Variants in PRELID2 observed in about 807,000 individuals in gnomAD.
The protein encoded by PRELID2 is PRELI domain containing 2.
Under a neutral mutation model 28.4 loss-of-function variants are expected in PRELID2, and 25 were observed. That is an observed-to-expected ratio of 0.88 (90% CI 0.64 to 1.23). The LOEUF (loss-of-function observed/expected upper bound fraction) is 1.23, where lower values mean the gene tolerates loss of function less well. Among genes scored for constraint, PRELID2 ranks in the 50% most tolerant of loss-of-function variants. PRELID2 has a pLI of 0.00. For missense variants in PRELID2, 201 were observed against 214.4 expected (o/e 0.94, Z 0.39); for synonymous variants, 76 against 71.6 (o/e 1.06, Z -0.31).
intron 4 of PRELID2, among the ~76,000 whole-genome samples, chr5:145,817,198 A>AAAAAAATATATAT (rs1365517052): frequency 7.1e-5 from 5 of 70,082 alleles, no homozygotes; most frequent in Non-Finnish European, 9.8e-5. Flanking sequence ...TTCAAAAAAA[A>AAAAAAATATATAT]ATAAATAAAT....
At position 145,472,816 on chromosome 5, in the gene PRELID2, T is replaced by C. The variant is rs559889999; in HGVS notation, n.186+384A>G. Among the ~76,000 whole-genome samples the C allele has an allele frequency of 1.2e-3, 179 of 152,284 alleles. 1 individual carries two copies. The highest frequency in any genetic ancestry group is 3.4e-3 in the Middle Eastern group (1 of 294). ...TCCCTCAAAAACACTCAAGGATCTT[T>C]AGTTATAAGCCTGAATCATCATTCT... On this transcript the variant is annotated intron_variant and non_coding_transcript_variant, in intron 2 of 2. Coordinates refer to the PRELID2 transcript ENST00000510259.
chr5:145,769,957 CA>C (rs1758002548), intron 5 of PRELID2, among the ~76,000 whole-genome samples: 2 of 152,166 alleles, frequency 1.3e-5, no homozygotes, highest in South Asian at 4.1e-4. Flanking sequence ...CAGTCAATGA[CA>C]GATGATATAT....
At chr5:145,567,196 C>T (rs11740880) in intron 1 of PRELID2, among the ~76,000 whole-genome samples, 8,255 of 152,200 alleles carry the variant, frequency 0.054, 313 homozygotes, top group Middle Eastern at 0.13. Context: ...AAAATATTAG[C>T]TTTATTACCT....
chr5:145,300,518 C>G, the PRELID2 span, among the ~76,000 whole-genome samples: 1 of 151,784 alleles, frequency 6.6e-6, no homozygotes, highest in African/African-American at 2.4e-5. Flanking sequence ...TATCTTAAAT[C>G]TGAATCTCCT....
intron 1 of PRELID2, among the ~76,000 whole-genome samples, chr5:145,694,931 A>G (rs1185215488): frequency 6.6e-6 from 1 of 152,228 alleles, no homozygotes; most frequent in African/African-American, 2.4e-5. Flanking sequence ...AGAACTGATG[A>G]AAAGCCCTTT....
chr5:145,303,230 A>G, the PRELID2 span, among the ~76,000 whole-genome samples: 1 of 152,186 alleles, frequency 6.6e-6, no homozygotes, highest in South Asian at 2.1e-4. Flanking sequence ...GTTTAGAGAT[A>G]GCGCTGGAAG....
chr5:145,700,200 C>G (rs944259687), intron 1 of PRELID2, among the ~76,000 whole-genome samples: 2 of 149,766 alleles, frequency 1.3e-5, no homozygotes, highest in South Asian at 2.1e-4. Context: ...AGCATCCCCC[C>G]CAACTTTCCA....
chr5:145,255,422 G>A, the PRELID2 span, among the ~76,000 whole-genome samples: 2 of 151,920 alleles, frequency 1.3e-5, no homozygotes, highest in African/African-American at 2.4e-5. Context: ...TGGAAATACT[G>A]AAAATATTTT....
At chr5:145,491,825 A>T (rs1752272146) in intron 1 of PRELID2, among the ~76,000 whole-genome samples, 2 of 151,736 alleles carry the variant, frequency 1.3e-5, no homozygotes, top group South Asian at 4.2e-4. Context: ...GGCTTATTTC[A>T]CTTAATGTAA....
intron 1 of PRELID2, among the ~76,000 whole-genome samples, chr5:145,651,069 C>T (rs1754288093): frequency 6.6e-6 from 1 of 152,152 alleles, no homozygotes; most frequent in East Asian, 1.9e-4. Flanking sequence ...TAATACTGTG[C>T]TTTTCCAATG....
chr5:145,741,501 A>C (rs1412273570), intron 1 of PRELID2, among the ~76,000 whole-genome samples: 1 of 121,220 alleles, frequency 8.2e-6, no homozygotes, highest in Non-Finnish European at 1.6e-5. Context: ...ATTATATATA[A>C]AATTTATTTA....
chr5:145,448,388 G>T, the PRELID2 span, among the ~76,000 whole-genome samples: 1 of 151,990 alleles, frequency 6.6e-6, no homozygotes, highest in Admixed American at 6.6e-5. Flanking sequence ...TGTCAGATGA[G>T]TAGGTTGCGA....
intron 2 of PRELID2, among the ~76,000 whole-genome samples, chr5:145,821,878 T>G (rs1426502940): frequency 6.6e-6 from 1 of 152,220 alleles, no homozygotes; most frequent in Non-Finnish European, 1.5e-5. Context: ...GTTTGACAGA[T>G]GAAGAAACTG....
intron 4 of PRELID2, among the ~76,000 whole-genome samples, chr5:145,811,385 C>T (rs1753929477): frequency 6.6e-6 from 1 of 152,108 alleles, no homozygotes; most frequent in African/African-American, 2.4e-5. Context: ...ACCACCCAGG[C>T]TCAAGCGATC....
chr5:145,352,619 G>C, the PRELID2 span, among the ~76,000 whole-genome samples: 1 of 152,086 alleles, frequency 6.6e-6, no homozygotes, highest in Admixed American at 6.5e-5. Context: ...ATTAACATTT[G>C]GCCTCTCTTT....
chr5:145,400,705 G>T, the PRELID2 span, among the ~76,000 whole-genome samples: 1 of 152,042 alleles, frequency 6.6e-6, no homozygotes, highest in South Asian at 2.1e-4. Flanking sequence ...GTCTGGCTTT[G>T]TTTCTTTGGA....
intron 1 of PRELID2, among the ~76,000 whole-genome samples, chr5:145,513,346 A>G (rs184486786): frequency 7.2e-5 from 11 of 152,024 alleles, no homozygotes; most frequent in Admixed American, 7.2e-4. Context: ...AAGCATACAC[A>G]AGTATCAATA....
At chr5:145,355,640 G>A in the PRELID2 span, among the ~76,000 whole-genome samples, 1 of 152,146 alleles carries the variant, frequency 6.6e-6, no homozygotes, top group Non-Finnish European at 1.5e-5. Flanking sequence ...CAAGGAGATT[G>A]CTGCTAAGAC....
chr5:145,254,279 T>C, the PRELID2 span, among the ~76,000 whole-genome samples: 1 of 152,188 alleles, frequency 6.6e-6, no homozygotes, highest in Non-Finnish European at 1.5e-5. Context: ...AACAATTGCC[T>C]TGCACACATT....
Sources: gnomAD v4.1 joint callset for allele counts (sites outside exome capture counted in the v4.1 genomes callset) on GRCh38, gnomAD v4.1.1 for gene constraint, MANE v1.5 for transcripts, NCBI Gene and HGNC (gene_info 2026-07-23, HGNC 2026-07-21) for gene names.